The following TMTC4 variants were observed in gnomAD, a reference collection of about 807,000 sequenced individuals.
TMTC4 encodes the protein transmembrane O-mannosyltransferase targeting cadherins 4.
Under a neutral mutation model 86.0 loss-of-function variants are expected in TMTC4, and 65 were observed. The observed-to-expected ratio is 0.76, with a 90% CI of 0.62 to 0.93. TMTC4 has a LOEUF of 0.93. Ranked by LOEUF, TMTC4 falls within the 40% of genes least tolerant of loss-of-function variation. TMTC4 has a pLI of 0.00. For missense variants in TMTC4, 866 were observed against 948.1 expected, an observed-to-expected ratio of 0.91 and a Z score of 1.14; for synonymous variants, 379 against 382.5, an observed-to-expected ratio of 0.99 and a Z score of 0.11.
chr13:100,666,478 C>T (rs1239212873), intron 3 of TMTC4, among the ~76,000 whole-genome samples: 1 of 152,184 alleles, frequency 6.6e-6, no homozygotes, highest in Non-Finnish European at 1.5e-5. Context: ...ACAGAAGGAA[C>T]GAGAATTACA....
intron 6 of TMTC4, among the ~76,000 whole-genome samples, chr13:100,646,648 T>A (rs1276338184): frequency 2.0e-5 from 3 of 152,234 alleles, no homozygotes; most frequent in African/African-American, 7.2e-5. Flanking sequence ...ATCCTCCAAG[T>A]TGTTCAGGAG....
chr13:100,616,062 AT>A (rs58508488), intron 15 of TMTC4, among the ~76,000 whole-genome samples: 13,045 of 146,726 alleles, frequency 0.089, 1,239 homozygotes, highest in African/African-American at 0.24. Context: ...AAAGGACATG[AT>A]TTTTTTTTTT....
Position 100,655,934 on chromosome 13 carries a change from T to C in TMTC4, c.640+447A>G, listed in dbSNP as rs559808663. ...ACAGGGCCTGAGCCTGGGTTCAGTC[T>C]GGACAGGATGGGATGAAGGAGGGAC... On this transcript the variant is annotated intron_variant, in intron 6 of 18. Transcript: ENST00000342624. 3.9e-5 allele frequency among the ~76,000 whole-genome samples: 6 copies of C among 152,296 alleles called. No individual in the cohort carries two copies. The South Asian group carries it at 1.0e-3, about 26-fold the overall frequency.
chr13:100,612,792 T>A (rs2153023420), intron 16 of TMTC4, among the ~76,000 whole-genome samples: 1 of 152,212 alleles, frequency 6.6e-6, no homozygotes, highest in African/African-American at 2.4e-5. Context: ...TAAAACCTAG[T>A]TTTAATTTTT....
At chr13:100,644,345 C>T (rs898040635) in intron 6 of TMTC4, among the ~76,000 whole-genome samples, 8 of 152,040 alleles carry the variant, frequency 5.3e-5, no homozygotes, top group Admixed American at 3.9e-4. Flanking sequence ...CCTCATGATC[C>T]GCCTACCTTG....
intron 7 of TMTC4, among the ~76,000 whole-genome samples, chr13:100,641,163 G>A (rs970753371): frequency 6.6e-6 from 1 of 152,116 alleles, no homozygotes; most frequent in Non-Finnish European, 1.5e-5. Flanking sequence ...TTCAAGGCTC[G>A]AAGTTAAAAC....
chr13:100,648,611 G>C (rs1166141037), intron 6 of TMTC4, among the ~76,000 whole-genome samples: 3 of 152,208 alleles, frequency 2.0e-5, no homozygotes, highest in East Asian at 3.9e-4. Flanking sequence ...TCAGAAAATA[G>C]GAAATGAGTT....
At chr13:100,637,794 C>T in intron 8 of TMTC4, 92 bp from the exon 9 acceptor site, 1 of 1,557,730 alleles carries the variant, frequency 6.4e-7, no homozygotes, top group Non-Finnish European at 8.8e-7. Flanking sequence ...TCTGCCTGAA[C>T]TGCTTCAACA....
chr13:100,609,768 T>C (rs1427789858), intron 17 of TMTC4, among the ~76,000 whole-genome samples: 2 of 152,146 alleles, frequency 1.3e-5, no homozygotes, highest in Admixed American at 6.5e-5. Context: ...GTGCATTTTT[T>C]TGTATCACCT....
At chr13:100,667,810 G>C (rs757646875) in intron 3 of TMTC4, among the ~76,000 whole-genome samples, 1 of 152,102 alleles carries the variant, frequency 6.6e-6, no homozygotes, top group African/African-American at 2.4e-5. Context: ...TGCCATTTCC[G>C]AGTTCTTTCT....
chr13:100,625,401 T>C (rs1206738958), intron 15 of TMTC4, 134 bp downstream of exon 15: 1 of 1,248,510 alleles, frequency 8.0e-7, no homozygotes, highest in Non-Finnish European at 1.1e-6. Context: ...AATAGCTACC[T>C]TCAAATGAGA....
At chr13:100,648,373 T>C (rs1884011935) in intron 6 of TMTC4, among the ~76,000 whole-genome samples, 1 of 152,234 alleles carries the variant, frequency 6.6e-6, no homozygotes. Flanking sequence ...ATTGATTATA[T>C]GTTGGAATTA....
chr13:100,652,570 T>TAC (rs979162688), intron 6 of TMTC4, among the ~76,000 whole-genome samples: 16 of 152,234 alleles, frequency 1.1e-4, no homozygotes, highest in African/African-American at 3.4e-4. Context: ...TATATATATA[T>TAC]ACACCTGAAT....
chr13:100,652,198 T>C (rs1337995254), intron 6 of TMTC4, among the ~76,000 whole-genome samples: 2 of 151,472 alleles, frequency 1.3e-5, no homozygotes, highest in Non-Finnish European at 2.9e-5. Context: ...AAAAAACCAG[T>C]GCTGGGCACG....
intron 6 of TMTC4, 137 bp from the exon 7 acceptor site, chr13:100,642,448 C>G: frequency 2.2e-6 from 2 of 898,406 alleles, no homozygotes; most frequent in East Asian, 2.5e-5. Context: ...GACAGCACTT[C>G]TCTGTGGGCA....
chr13:100,641,355 G>A (rs1012704998), intron 7 of TMTC4, among the ~76,000 whole-genome samples: 10 of 152,204 alleles, frequency 6.6e-5, no homozygotes, highest in African/African-American at 2.4e-4. Context: ...AGTTGCACTT[G>A]GGTGGTGATT....
rs770035216 is a variant in TMTC4 at position 100,605,916 on chromosome 13, G to A, written c.2134+442C>T. Reference sequence around the variant, plus strand: ...AATAAATGATTATAAATGCATTTTAGCCAAGGCATAAGAGGATATAAAGCA... The same window carrying A: ...AATAAATGATTATAAATGCATTTTAACCAAGGCATAAGAGGATATAAAGCA... On this transcript the variant is annotated intron_variant, in intron 18 of 18. Coordinates refer to ENST00000342624, the MANE Select transcript of TMTC4 (RefSeq NM_032813.5). This position sits in a 1 kb window ranked among gnomAD's most constrained non-coding sequence, Gnocchi z 4.3. 6.2e-4 allele frequency among the ~76,000 whole-genome samples: 94 copies of A among 152,254 alleles called. No homozygotes were observed. Among genetic ancestry groups the A allele is most frequent in the Admixed American group, 1.5e-3 (23 of 15,290 alleles).
At chr13:100,666,176 C>T (rs1886374360) in intron 3 of TMTC4, 1 of 396,086 alleles carries the variant, frequency 2.5e-6, no homozygotes, top group Non-Finnish European at 5.1e-6. Context: ...CTAAAATTCC[C>T]CCTAACTCCA....
At position 100,674,795 on chromosome 13, in the gene TMTC4, T is replaced by C. The variant is rs1432530891; in HGVS notation, c.-259A>G. On this transcript the variant is annotated 5_prime_UTR_variant, in exon 1 of 19. Coordinates refer to ENST00000342624, the MANE Select transcript of TMTC4 (RefSeq NM_032813.5). ...ATCTCCCTCCCGGGTGCGGAAACTC[T>C]GGCGGCTCCAGGCACCCGCCCGGAC... 5 of 983,138 alleles carry C rather than the reference T, an allele frequency of 5.1e-6. No homozygotes were observed. In the South Asian group the frequency reaches 1.9e-4, roughly 37 times the overall value. The allele number at this position is 983,138 out of a possible 1,614,324, so 60.9% of individuals were successfully genotyped here.
Sources: allele counts gnomAD v4.1 joint callset (sites outside exome capture counted in the v4.1 genomes callset), GRCh38; gene constraint gnomAD v4.1.1; non-coding constraint Gnocchi (gnomAD v3.1); transcripts MANE v1.5; gene names NCBI Gene and HGNC (gene_info 2026-07-23, HGNC 2026-07-21).